HDX: variants seen among roughly 807,000 people sequenced by gnomAD.
HDX encodes chromosome X open reading frame 43.
In HDX, 19 loss-of-function variants were observed where a neutral mutation model predicts 45.2. The ratio of observed to expected loss-of-function variants is 0.42; its 90% CI spans 0.29 to 0.62. HDX has a LOEUF of 0.62. HDX is among the 20% of genes least tolerant of loss of function. HDX has a pLI of 0.20. For synonymous variants in HDX, 188 were observed against 172.8 expected (o/e 1.09, Z -0.69); for missense variants, 532 against 493.9 (o/e 1.08, Z -0.73).
At chrX:84,358,363 A>G (rs1187276205) in intron 6 of HDX, among the ~76,000 whole-genome samples, 1 of 111,794 alleles carries the variant, frequency 8.9e-6, no homozygotes, top group African/African-American at 3.2e-5. Context: ...TGATTTAAAA[A>G]AAATAAAAAT....
chrX:84,477,454 A>G (rs2148161086), intron 2 of HDX, among the ~76,000 whole-genome samples: 1 of 112,352 alleles, frequency 8.9e-6, no homozygotes, highest in African/African-American at 3.2e-5. Flanking sequence ...AGTCAAATAA[A>G]GATGACTGAG....
At chrX:84,490,359 C>T (rs1459017870) in intron 1 of HDX, among the ~76,000 whole-genome samples, 4 of 111,788 alleles carry the variant, frequency 3.6e-5, no homozygotes, top group Non-Finnish European at 7.5e-5. Context: ...AAGTTTTCTA[C>T]GTATCCACTA....
intron 4 of HDX, among the ~76,000 whole-genome samples, chrX:84,465,545 T>C (rs1452581742): frequency 8.9e-6 from 1 of 111,983 alleles, no homozygotes; most frequent in Non-Finnish European, 1.9e-5. Context: ...TTGGAAACCA[T>C]CATTCTCAGC....
intron 6 of HDX, among the ~76,000 whole-genome samples, 167 bp downstream of exon 6, chrX:84,361,299 T>G (rs2037616670): frequency 8.9e-6 from 1 of 112,146 alleles, no homozygotes. Flanking sequence ...TTTACATCCT[T>G]TGATACATAT....
At chrX:84,465,329 C>A (rs923529193) in intron 4 of HDX, among the ~76,000 whole-genome samples, 6 of 111,905 alleles carry the variant, frequency 5.4e-5, no homozygotes, top group Non-Finnish European at 7.5e-5. Flanking sequence ...GGTATATACC[C>A]AAAGGATTAT....
At chrX:84,365,997 G>A (rs1427317520) in intron 5 of HDX, among the ~76,000 whole-genome samples, 1 of 111,582 alleles carries the variant, frequency 9.0e-6, no homozygotes, top group Non-Finnish European at 1.9e-5. Context: ...AATCAGGCAA[G>A]AGAAAGAAAT....
At chrX:84,389,762 A>G (rs754682232) in intron 5 of HDX, among the ~76,000 whole-genome samples, 1 of 110,710 alleles carries the variant, frequency 9.0e-6, no homozygotes, top group East Asian at 2.9e-4. Flanking sequence ...GCCATCTATT[A>G]CTGCTCTCCA....
intron 4 of HDX, among the ~76,000 whole-genome samples, chrX:84,464,077 A>G (rs150750495): frequency 0.013 from 1,460 of 111,512 alleles, 36 homozygotes; most frequent in African/African-American, 0.046. Context: ...TAGTTTCAGC[A>G]TGAGAAACTC....
intron 5 of HDX, among the ~76,000 whole-genome samples, chrX:84,431,879 G>A (rs940178350): frequency 2.7e-5 from 3 of 111,174 alleles, no homozygotes; most frequent in Non-Finnish European, 5.7e-5. Context: ...TATTACTCTT[G>A]ATTTTGGCAT....
intron 7 of HDX, among the ~76,000 whole-genome samples, chrX:84,340,647 G>T (rs183853088): frequency 9.0e-6 from 1 of 111,222 alleles, no homozygotes; most frequent in Non-Finnish European, 1.9e-5. Context: ...AATCGTATTA[G>T]TATTCTCCAC....
chrX:84,338,357 T>G lies in HDX; in HGVS notation c.1661-1477A>C, dbSNP rs752325742. Among the ~76,000 whole-genome samples, 3 of 110,519 alleles carry G rather than the reference T, an allele frequency of 2.7e-5. No homozygotes were observed. In the Admixed American group the frequency reaches 2.9e-4, roughly 11 times the overall value. ...TAAATTTTGGGGGGTATATTTGAGA[T>G]ATACAACATAATGTTATACACACAC... On this transcript the variant is annotated intron_variant, in intron 7 of 10. Coordinates refer to ENST00000373177, the MANE Select transcript of HDX (RefSeq NM_001177479.2).
At position 84,320,630 on chromosome X, in the gene HDX, T is replaced by G. The variant is rs1488292945; in HGVS notation, c.*1259A>C. On this transcript the variant is annotated 3_prime_UTR_variant, in exon 11 of 11. Coordinates refer to ENST00000373177, the MANE Select transcript of HDX (RefSeq NM_001177479.2). ...AATCTTTTAGGTATAGATAGTAATT[T>G]AACCATGCAACACAATTGCACACTG... is the stretch of plus-strand genomic sequence containing the variant. 9.0e-6 allele frequency: 1 copy of G among 111,173 alleles called. No individual in the cohort carries two copies. The highest frequency in any genetic ancestry group is 1.9e-5 in the Non-Finnish European group (1 of 52,502). The allele number at this position is 111,173 out of a possible 1,213,427, so 9.2% of individuals were successfully genotyped here. A position where few individuals can be genotyped will look rare whatever the true frequency, so the allele number is the denominator to read the frequency against.
intron 4 of HDX, among the ~76,000 whole-genome samples, chrX:84,463,946 G>C (rs937883820): frequency 1.3e-4 from 15 of 111,175 alleles, no homozygotes; most frequent in African/African-American, 4.9e-4. Flanking sequence ...TATCCTTTAG[G>C]ATTTTTTCAA....
chrX:84,389,482 C>A (rs767511725), intron 5 of HDX, among the ~76,000 whole-genome samples: 1 of 111,091 alleles, frequency 9.0e-6, no homozygotes, highest in Non-Finnish European at 1.9e-5. Context: ...TCTTGGCTAC[C>A]TACTCCAGAG....
chrX:84,450,119 G>C (rs1350712036), intron 4 of HDX, among the ~76,000 whole-genome samples: 1 of 109,966 alleles, frequency 9.1e-6, no homozygotes, highest in East Asian at 2.8e-4. Flanking sequence ...AAAAAAGGAA[G>C]GAACAAAGGA....
chrX:84,487,078 T>A (rs2040810064), intron 2 of HDX, among the ~76,000 whole-genome samples: 1 of 111,898 alleles, frequency 8.9e-6, no homozygotes, highest in African/African-American at 3.2e-5. Flanking sequence ...ATCTTAAAGT[T>A]CACTGACTGT....
intron 5 of HDX, among the ~76,000 whole-genome samples, chrX:84,439,554 T>C (rs1037957887): frequency 6.3e-5 from 7 of 111,552 alleles, no homozygotes; most frequent in African/African-American, 2.3e-4. Context: ...ATTTAAATAT[T>C]TAATCCATCT....
intron 5 of HDX, among the ~76,000 whole-genome samples, chrX:84,382,489 C>A (rs1428247441): frequency 9.0e-6 from 1 of 111,686 alleles, no homozygotes; most frequent in African/African-American, 3.2e-5. Flanking sequence ...ATAGTACGTA[C>A]ACACAATGAA....
chrX:84,350,289 A>T (rs1007785821), intron 6 of HDX, among the ~76,000 whole-genome samples: 1 of 111,065 alleles, frequency 9.0e-6, no homozygotes, highest in Non-Finnish European at 1.9e-5. Flanking sequence ...GCACTTGAAA[A>T]GTGTGTATTT....
Sources: gnomAD v4.1 joint callset for allele counts (sites outside exome capture counted in the v4.1 genomes callset) on GRCh38, gnomAD v4.1.1 for gene constraint, MANE v1.5 for transcripts, NCBI Gene and HGNC (gene_info 2026-07-23, HGNC 2026-07-21) for gene names.